The following SULF1 variants were observed in gnomAD, a reference collection of about 807,000 sequenced individuals.
The protein encoded by SULF1 is extracellular sulfatase Sulf-1.
In SULF1, 46 loss-of-function variants were observed where a neutral mutation model predicts 110.5. That is an observed-to-expected ratio of 0.42 (90% CI 0.33 to 0.53). SULF1 has a LOEUF of 0.53. SULF1 is among the 20% of genes least tolerant of loss of function. SULF1 has a pLI of 0.12. For synonymous variants in SULF1, 371 were observed against 387.1 expected (o/e 0.96, Z 0.49); for missense variants, 941 against 1,094.2 (o/e 0.86, Z 1.98).
intron 3 of SULF1, among the ~76,000 whole-genome samples, chr8:69,540,211 TA>T (rs2150666981): frequency 6.6e-6 from 1 of 152,334 alleles, no homozygotes; most frequent in South Asian, 2.1e-4. Flanking sequence ...TCTCTATTCA[TA>T]AAACGATGGT....
chr8:69,550,895 G>A (rs974667387), intron 3 of SULF1, among the ~76,000 whole-genome samples: 2 of 152,198 alleles, frequency 1.3e-5, no homozygotes, highest in East Asian at 1.9e-4. Flanking sequence ...TTGTGTGGCC[G>A]CATCCCTTTC....
chr8:69,604,897 G>A lies in SULF1; in HGVS notation c.1342G>A (p.Ala448Thr), dbSNP rs781474632. 2.5e-6 allele frequency: 4 copies of A among 1,614,216 alleles called. No individual in the cohort carries two copies. In the South Asian group the frequency reaches 4.4e-5, roughly 18 times the overall value. ...ACGGGTCAAAGAACTATGCCAGCAG[G>A]CCAGGTACCAGACAGCCTGTGAACA... is the stretch of plus-strand genomic sequence containing the variant. ...YERVKELCQQ[A>T]RYQTACEQPG... The change falls in exon 13 of 23, where the codon GCC becomes ACC. Residue 448 changes from alanine to threonine, a missense_variant. Coordinates refer to ENST00000402687, the MANE Select transcript of SULF1 (RefSeq NM_001128205.2).
intron 13 of SULF1, among the ~76,000 whole-genome samples, chr8:69,609,155 T>C (rs114488111): frequency 1.7e-3 from 262 of 152,090 alleles, no homozygotes; most frequent in African/African-American, 6.0e-3. Flanking sequence ...TCTAGACCAG[T>C]CTAGGCAACC....
At chr8:69,572,149 G>C (rs538085266) in intron 5 of SULF1, among the ~76,000 whole-genome samples, 2 of 152,294 alleles carry the variant, frequency 1.3e-5, no homozygotes, top group South Asian at 4.1e-4. Context: ...TGAGAGTGCA[G>C]AAAGAGAGAC....
At chr8:69,470,469 CT>C (rs1445933041) in intron 1 of SULF1, among the ~76,000 whole-genome samples, 1 of 152,014 alleles carries the variant, frequency 6.6e-6, no homozygotes, top group Non-Finnish European at 1.5e-5. Context: ...GCCAGTTAGC[CT>C]TTTTTTCCCC....
chr8:69,471,345 A>T (rs923538751), intron 1 of SULF1, among the ~76,000 whole-genome samples: 1 of 151,866 alleles, frequency 6.6e-6, no homozygotes, highest in Non-Finnish European at 1.5e-5. Context: ...GAGTTACCCC[A>T]ATTTAGAGCC....
intron 22 of SULF1, among the ~76,000 whole-genome samples, chr8:69,652,122 T>G (rs1305786006): frequency 6.6e-6 from 1 of 152,148 alleles, no homozygotes; most frequent in African/African-American, 2.4e-5. Context: ...CTCTGTTTTC[T>G]GGGGTCACAT....
intron 1 of SULF1, among the ~76,000 whole-genome samples, chr8:69,483,446 G>A (rs779047378): frequency 1.3e-5 from 2 of 152,146 alleles, no homozygotes; most frequent in Non-Finnish European, 2.9e-5. Context: ...TACCATTAAT[G>A]TTCACAGCTA....
chr8:69,659,296 G>A lies in SULF1; in HGVS notation c.*761G>A, dbSNP rs6990375. On this transcript the variant is annotated 3_prime_UTR_variant, in exon 23 of 23. Transcript: ENST00000402687. ...GAAGTCACAGCACCTAGAAGGCAGCGCCTCCTCTTCACTCTCCTCTGATTA... is the reference window on the plus strand; with the variant it reads ...GAAGTCACAGCACCTAGAAGGCAGCACCTCCTCTTCACTCTCCTCTGATTA... 0.3 allele frequency: 127,552 copies of A among 423,916 alleles called. 19,992 individuals carry two copies. Among genetic ancestry groups the A allele is most frequent in the Admixed American group, 0.42 (15,515 of 36,896 alleles). 26.3% of individuals were successfully genotyped at this position (423,916 alleles called of 1,614,324 possible). A position where few individuals can be genotyped will look rare whatever the true frequency, so the allele number is the denominator to read the frequency against.
intron 3 of SULF1, among the ~76,000 whole-genome samples, chr8:69,562,260 T>G (rs962124250): frequency 1.3e-5 from 2 of 152,162 alleles, no homozygotes; most frequent in African/African-American, 4.8e-5. Flanking sequence ...AACAAAATAA[T>G]GTGTATGGTA....
intron 22 of SULF1, among the ~76,000 whole-genome samples, chr8:69,652,803 C>G (rs1044113860): frequency 6.6e-6 from 1 of 152,184 alleles, no homozygotes; most frequent in Non-Finnish European, 1.5e-5. Flanking sequence ...TGCTTCTGTA[C>G]TTCACTTTTG....
At position 69,576,019 on chromosome 8, in the gene SULF1, G is replaced by A. The variant is rs1053986924; in HGVS notation, c.222G>A (p.Gly74=). ...CGAGAAAGATTATGGAACATGGGGG[G>A]GCCACCTTCATCAATGCCTTTGTGA... The part of the protein sequence containing the change: ...NKTRKIMEHG[G]ATFINAFVTT... Residue 74 remains glycine, a synonymous_variant, in exon 6 of 23, where the codon GGG becomes GGA. Coordinates refer to ENST00000402687, the MANE Select transcript of SULF1 (RefSeq NM_001128205.2). The A allele has an allele frequency of 1.1e-5, 18 of 1,613,992 alleles. No individual in the cohort carries two copies. The highest frequency in any genetic ancestry group is 1.4e-5 in the Non-Finnish European group (17 of 1,179,978).
chr8:69,532,145 T>G (rs1400310597), intron 3 of SULF1, among the ~76,000 whole-genome samples: 1 of 152,194 alleles, frequency 6.6e-6, no homozygotes, highest in Non-Finnish European at 1.5e-5. Context: ...CTATTCTTCG[T>G]TAAATAAAGT....
At chr8:69,551,840 C>G (rs2150693987) in intron 3 of SULF1, among the ~76,000 whole-genome samples, 1 of 152,234 alleles carries the variant, frequency 6.6e-6, no homozygotes, top group South Asian at 2.1e-4. Context: ...GCCTGTAATC[C>G]CAGCACTTTG....
At chr8:69,581,706 G>C (rs1363089295) in intron 6 of SULF1, among the ~76,000 whole-genome samples, 3 of 152,224 alleles carry the variant, frequency 2.0e-5, no homozygotes, top group Non-Finnish European at 4.4e-5. Flanking sequence ...AAGGGAAAAA[G>C]AGATTTAATA....
chr8:69,495,613 G>A (rs1282265337), intron 1 of SULF1, among the ~76,000 whole-genome samples, 152 bp from the exon 2 acceptor site: 2 of 152,204 alleles, frequency 1.3e-5, no homozygotes, highest in Non-Finnish European at 2.9e-5. Context: ...CTGTAGCTAT[G>A]TGTATCCTCA....
intron 3 of SULF1, among the ~76,000 whole-genome samples, chr8:69,553,092 C>T (rs1255004834): frequency 6.6e-6 from 1 of 152,228 alleles, no homozygotes; most frequent in East Asian, 1.9e-4. Flanking sequence ...TTCCAGAACA[C>T]CTCCTTCACA....
intron 1 of SULF1, among the ~76,000 whole-genome samples, chr8:69,471,119 T>C (rs187501092): frequency 1.2e-4 from 18 of 152,342 alleles, no homozygotes; most frequent in African/African-American, 4.3e-4. Context: ...AATGCTTTTC[T>C]TCCCTTCATG....
chr8:69,476,595 CAA>C (rs984209302), intron 1 of SULF1, among the ~76,000 whole-genome samples: 3 of 152,202 alleles, frequency 2.0e-5, no homozygotes, highest in Non-Finnish European at 2.9e-5. Context: ...TTTCGTTCCT[CAA>C]AAGAGACTTG....
Sources: gnomAD v4.1 joint callset for allele counts (sites outside exome capture counted in the v4.1 genomes callset) on GRCh38, gnomAD v4.1.1 for gene constraint, MANE v1.5 for transcripts, NCBI Gene and HGNC (gene_info 2026-07-23, HGNC 2026-07-21) for gene names.